Variants in MAML2 observed in about 807,000 individuals in gnomAD.
The protein encoded by MAML2 is mastermind like transcriptional coactivator 2.
MAML2 carries 22 observed loss-of-function variants against 96.1 expected under a neutral mutation model. The observed-to-expected ratio is 0.23, with a 90% CI of 0.16 to 0.33. The LOEUF is 0.33. MAML2 is among the 10% of genes least tolerant of loss of function. The probability of loss-of-function intolerance (pLI) is 1.00; values close to 1 mark genes in which losing one functional copy is unlikely to be tolerated. For missense variants in MAML2, 1,367 were observed against 1,392.4 expected, an observed-to-expected ratio of 0.98 and a Z score of 0.29; for synonymous variants, 561 against 521.3, an observed-to-expected ratio of 1.08 and a Z score of -1.04.
At chr11:96,025,161 A>G (rs1466502852) in intron 2 of MAML2, among the ~76,000 whole-genome samples, 2 of 152,216 alleles carry the variant, frequency 1.3e-5, no homozygotes, top group Non-Finnish European at 2.9e-5. Flanking sequence ...GTGTCTGTCA[A>G]CTGTGGATTG....
At chr11:96,214,091 A>G (rs1591076508) in intron 1 of MAML2, among the ~76,000 whole-genome samples, 1 of 152,200 alleles carries the variant, frequency 6.6e-6, no homozygotes, top group African/African-American at 2.4e-5. Flanking sequence ...ACAAATATAC[A>G]TATACATATA....
intron 1 of MAML2, among the ~76,000 whole-genome samples, chr11:96,108,947 G>A (rs1175047912): frequency 2.6e-5 from 4 of 151,550 alleles, no homozygotes; most frequent in Non-Finnish European, 4.4e-5. Context: ...TGGGAGGATC[G>A]CTTGAGCCCA....
chr11:96,012,979 T>C (rs989577936), intron 2 of MAML2, among the ~76,000 whole-genome samples: 1 of 152,264 alleles, frequency 6.6e-6, no homozygotes, highest in Non-Finnish European at 1.5e-5. Flanking sequence ...TCTATCTTAG[T>C]TGGTCATGCA....
intron 1 of MAML2, among the ~76,000 whole-genome samples, chr11:96,250,046 A>T (rs1862560885): frequency 1.3e-5 from 2 of 151,884 alleles, no homozygotes. Flanking sequence ...TATTCCCTCT[A>T]CCTGAGAACT....
chr11:96,178,479 C>A (rs541854534), intron 1 of MAML2, among the ~76,000 whole-genome samples: 76 of 152,236 alleles, frequency 5.0e-4, no homozygotes, highest in African/African-American at 1.8e-3. Context: ...TTAGGAATGA[C>A]CTTACTGTGC....
chr11:96,166,173 T>TCACACA lies in MAML2; in HGVS notation c.514-72657_514-72656insTGTGTG, dbSNP rs1209384302. Reference sequence around the variant, plus strand: ...CTGTCTGTCTCTCTCTCTCTCTCTCTCTCTCACACACACACACACACACAC... The same window carrying TCACACA: ...CTGTCTGTCTCTCTCTCTCTCTCTCTCACACACTCTCACACACACACACACACACAC... On this transcript the variant is annotated intron_variant, in intron 1 of 4. Transcript: ENST00000524717. 3.5e-3 allele frequency among the ~76,000 whole-genome samples: 389 copies of TCACACA among 110,522 alleles called. 1 individual carries two copies. Among genetic ancestry groups the TCACACA allele is most frequent in the African/African-American group, 0.012 (347 of 27,942 alleles). The allele number at this position is 110,522 out of a possible 152,430, so 72.5% of individuals were successfully genotyped here.
intron 1 of MAML2, among the ~76,000 whole-genome samples, chr11:96,285,699 G>A (rs1042254558): frequency 1.3e-5 from 2 of 152,004 alleles, no homozygotes; most frequent in Admixed American, 6.6e-5. Flanking sequence ...AAGACATTCA[G>A]GGGGCCAAAA....
At chr11:96,171,871 G>A (rs1861303069) in intron 1 of MAML2, among the ~76,000 whole-genome samples, 1 of 152,216 alleles carries the variant, frequency 6.6e-6, no homozygotes, top group Non-Finnish European at 1.5e-5. Context: ...TCCATTCTCA[G>A]CAGTGTCCCT....
intron 2 of MAML2, among the ~76,000 whole-genome samples, chr11:95,998,743 C>T (rs1003211590): frequency 2.0e-5 from 3 of 152,020 alleles, no homozygotes; most frequent in East Asian, 1.9e-4. Flanking sequence ...ATATGATGAC[C>T]GAATCTTTTA....
chr11:96,312,219 CA>C (rs34658278), intron 1 of MAML2, among the ~76,000 whole-genome samples: 588 of 51,488 alleles, frequency 0.011, 1 homozygote, highest in African/African-American at 0.038. Context: ...GACTCTATCT[CA>C]AAAAAAAAAA....
chr11:96,068,543 G>A (rs1359775297), intron 2 of MAML2, among the ~76,000 whole-genome samples: 1 of 151,920 alleles, frequency 6.6e-6, no homozygotes. Flanking sequence ...AATTGGTCTT[G>A]GGTAAGCCTG....
chr11:96,252,292 A>T (rs188468635), intron 1 of MAML2, among the ~76,000 whole-genome samples: 160 of 152,234 alleles, frequency 1.1e-3, no homozygotes, highest in African/African-American at 3.8e-3. Flanking sequence ...TATATAAATA[A>T]CAGTGAATAG....
intron 1 of MAML2, among the ~76,000 whole-genome samples, chr11:96,117,845 T>C (rs1187874821): frequency 6.6e-6 from 1 of 152,126 alleles, no homozygotes. Flanking sequence ...AAAAAATAAT[T>C]TGGTCTAGGG....
intron 1 of MAML2, among the ~76,000 whole-genome samples, chr11:96,102,460 C>T (rs1208065120): frequency 3.3e-5 from 5 of 152,172 alleles, no homozygotes; most frequent in African/African-American, 9.7e-5. Flanking sequence ...GGGAGAGACT[C>T]TGCCTAAGAA....
At chr11:96,207,533 T>C (rs1433021741) in intron 1 of MAML2, among the ~76,000 whole-genome samples, 2 of 152,230 alleles carry the variant, frequency 1.3e-5, no homozygotes, top group African/African-American at 4.8e-5. Context: ...TGAGACTGTG[T>C]TCTGGCATGC....
chr11:96,018,927 T>C (rs1273844074), intron 2 of MAML2, among the ~76,000 whole-genome samples: 1 of 152,186 alleles, frequency 6.6e-6, no homozygotes, highest in Admixed American at 6.5e-5. Flanking sequence ...GCAATGTAGA[T>C]ATCACTAATA....
intron 1 of MAML2, among the ~76,000 whole-genome samples, chr11:96,214,216 T>C (rs1188511373): frequency 6.6e-6 from 1 of 152,208 alleles, no homozygotes; most frequent in Non-Finnish European, 1.5e-5. Flanking sequence ...AGAACTAGGA[T>C]ATAGCTAATT....
chr11:96,154,021 T>C (rs1435714426), intron 1 of MAML2, among the ~76,000 whole-genome samples: 1 of 152,214 alleles, frequency 6.6e-6, no homozygotes, highest in Non-Finnish European at 1.5e-5. Flanking sequence ...ATACTTACAG[T>C]GTTTAAAACA....
At chr11:96,247,204 G>A (rs1170071699) in intron 1 of MAML2, among the ~76,000 whole-genome samples, 5 of 151,582 alleles carry the variant, frequency 3.3e-5, no homozygotes, top group Non-Finnish European at 7.4e-5. Flanking sequence ...ATCAGATTCA[G>A]ACCATGCAAA....
Sources: allele counts gnomAD v4.1 joint callset (sites outside exome capture counted in the v4.1 genomes callset), GRCh38; gene constraint gnomAD v4.1.1; transcripts MANE v1.5; gene names NCBI Gene and HGNC (gene_info 2026-07-23, HGNC 2026-07-21).